The following IL21R variants were observed in gnomAD, a reference collection of about 807,000 sequenced individuals.
The protein encoded by IL21R is interleukin-21 receptor.
Under a neutral mutation model 41.3 loss-of-function variants are expected in IL21R, and 14 were observed. The observed-to-expected ratio is 0.34, with a 90% CI of 0.22 to 0.53. The LOEUF (loss-of-function observed/expected upper bound fraction) is 0.53. Ranked by LOEUF, IL21R falls within the 20% of genes least tolerant of loss-of-function variation. IL21R has a pLI of 0.94. For missense variants in IL21R, 588 were observed against 681.6 expected, an observed-to-expected ratio of 0.86 and a Z score of 1.53; for synonymous variants, 286 against 287.6, an observed-to-expected ratio of 0.99 and a Z score of 0.05.
In IL21R at chr16:27,437,065, C is replaced by T. The variant is rs3093340; in HGVS notation, c.153-423C>T. Among the ~76,000 whole-genome samples the T allele has an allele frequency of 5.5e-3, 839 of 152,186 alleles. 12 individuals are homozygous for T. The highest frequency in any genetic ancestry group is 0.019 in the African/African-American group (803 of 41,510). On this transcript the variant is annotated intron_variant, in intron 3 of 8. Coordinates refer to ENST00000337929, the MANE Select transcript of IL21R (RefSeq NM_181078.3). ...ACTCCAGCCTGGGGCCAGAGTGAGA[C>T]CCTGTCTCAAAAAAATGGATGTTGG... is the stretch of plus-strand genomic sequence containing the variant.
chr16:27,403,329 G>A, intron 1 of IL21R: 3 of 1,103,036 alleles, frequency 2.7e-6, no homozygotes, highest in Non-Finnish European at 3.6e-6. Flanking sequence ...TGGTGGAGGA[G>A]CCCTGGGGAG....
At chr16:27,430,538 C>T (rs3093305) in intron 2 of IL21R, among the ~76,000 whole-genome samples, 3,886 of 152,204 alleles carry the variant, frequency 0.026, 70 homozygotes, top group Non-Finnish European at 0.039. Flanking sequence ...ATTGCTGCAC[C>T]GGGTGCGGTG....
intron 2 of IL21R, among the ~76,000 whole-genome samples, chr16:27,433,171 A>G (rs3093319): frequency 0.36 from 54,621 of 152,038 alleles, 11,074 homozygotes; most frequent in East Asian, 0.46. Flanking sequence ...GAACCTACTT[A>G]AAAAGGGGAA....
chr16:27,430,202 C>A, intron 2 of IL21R, 82 bp downstream of exon 2: 2 of 1,207,562 alleles, frequency 1.7e-6, no homozygotes, highest in South Asian at 1.3e-5. Flanking sequence ...TTTCTGGGCT[C>A]AAAAACACGG....
At position 27,403,070 on chromosome 16, in the gene IL21R, C is replaced by T. The variant is rs116427824; in HGVS notation, c.-17+452C>T. ...CATTCAAAACAATGGCTGGTGTGCCCATTTCGCAGATGAGGCAATGAGGCT... is the reference window on the plus strand; with the variant it reads ...CATTCAAAACAATGGCTGGTGTGCCTATTTCGCAGATGAGGCAATGAGGCT... On this transcript the variant is annotated intron_variant, in intron 1 of 8. Coordinates refer to ENST00000337929, the MANE Select transcript of IL21R (RefSeq NM_181078.3). 1,115 of 506,528 alleles carry T rather than the reference C, an allele frequency of 2.2e-3. 16 individuals are homozygous for T. Among genetic ancestry groups the T allele is most frequent in the African/African-American group, 0.018 (951 of 52,448 alleles). 31.4% of individuals were successfully genotyped at this position (506,528 alleles called of 1,614,324 possible). A position where few individuals can be genotyped will look rare whatever the true frequency, so the allele number is the denominator to read the frequency against.
intron 1 of IL21R, chr16:27,427,477 C>A: frequency 4.1e-6 from 1 of 243,666 alleles, no homozygotes. Flanking sequence ...CTCACTGCAG[C>A]CTGGACCTCC....
At chr16:27,438,606 G>A (rs919322742) in intron 4 of IL21R, among the ~76,000 whole-genome samples, 24 of 152,164 alleles carry the variant, frequency 1.6e-4, no homozygotes, top group African/African-American at 5.3e-4. Context: ...TGTGGCTCAC[G>A]CCTCTAATCC....
At chr16:27,406,025 T>C (rs2086738892) in intron 1 of IL21R, among the ~76,000 whole-genome samples, 1 of 152,258 alleles carries the variant, frequency 6.6e-6, no homozygotes, top group Non-Finnish European at 1.5e-5. Flanking sequence ...CCCCACTGTG[T>C]GAACAGGACA....
intron 1 of IL21R, among the ~76,000 whole-genome samples, chr16:27,420,004 C>T (rs999879954): frequency 1.3e-5 from 2 of 151,582 alleles, no homozygotes; most frequent in African/African-American, 4.9e-5. Context: ...TCTCCTGCCT[C>T]GGCCTCCTGA....
chr16:27,448,338 C>G (rs954759168), intron 8 of IL21R, 196 bp from the exon 9 acceptor site: 51 of 585,800 alleles, frequency 8.7e-5, no homozygotes, highest in Non-Finnish European at 1.4e-4. Context: ...GCCTGTAGTC[C>G]CAGCTACTTG....
chr16:27,441,765 T>C (rs2087391872), intron 4 of IL21R, among the ~76,000 whole-genome samples: 2 of 152,192 alleles, frequency 1.3e-5, no homozygotes, highest in South Asian at 4.1e-4. Flanking sequence ...TCCCAGGATT[T>C]TGGGAGGCTG....
chr16:27,426,934 T>C (rs2087087152), intron 1 of IL21R, among the ~76,000 whole-genome samples: 1 of 152,092 alleles, frequency 6.6e-6, no homozygotes, highest in Non-Finnish European at 1.5e-5. Flanking sequence ...AGGGTGGACA[T>C]CAGATATGGC....
intron 1 of IL21R, among the ~76,000 whole-genome samples, chr16:27,417,187 G>T (rs2086904022): frequency 7.3e-6 from 1 of 137,604 alleles, no homozygotes. Flanking sequence ...TTTGAGACAG[G>T]GTCACACTCT....
chr16:27,441,892 T>G (rs1198789158), intron 4 of IL21R, among the ~76,000 whole-genome samples: 1 of 152,126 alleles, frequency 6.6e-6, no homozygotes, highest in Non-Finnish European at 1.5e-5. Context: ...CCACCTGTAG[T>G]CTCAGCTACT....
chr16:27,418,187 A>C (rs1381702597), intron 1 of IL21R, among the ~76,000 whole-genome samples: 2 of 151,024 alleles, frequency 1.3e-5, no homozygotes, highest in Admixed American at 1.3e-4. Flanking sequence ...CTCCTGCCTC[A>C]GCCTCCCAAG....
chr16:27,423,007 CT>C (rs201022182), intron 1 of IL21R, among the ~76,000 whole-genome samples: 1 of 151,898 alleles, frequency 6.6e-6, no homozygotes, highest in Non-Finnish European at 1.5e-5. Context: ...CAGGGCCCAT[CT>C]TTTTTTTGCC....
Position 27,429,420 on chromosome 16 carries a change from C to G in IL21R, c.-16-636C>G, listed in dbSNP as rs118064471. On this transcript the variant is annotated intron_variant, in intron 1 of 8. Coordinates refer to ENST00000337929, the MANE Select transcript of IL21R (RefSeq NM_181078.3). The stretch of plus-strand genomic sequence containing the variant: ...AAATACACAAGTTTAATTTCACACA[C>G]AATGCTACATCAATAGGCTCAGCAA... 2.8e-3 allele frequency among the ~76,000 whole-genome samples: 432 copies of G among 152,220 alleles called. 2 individuals are homozygous for G. Among genetic ancestry groups the G allele is most frequent in the Non-Finnish European group, 3.3e-3 (227 of 68,032 alleles).
rs2087572973 is a variant in IL21R at position 27,450,437 on chromosome 16, T to A, written c.*1154T>A. The stretch of plus-strand genomic sequence containing the variant: ...GCTGGGCCCCCTACCCTGCCCCAAT[T>A]CAATCCTGCCAATAAATCCTGTCTT... On this transcript the variant is annotated 3_prime_UTR_variant, in exon 9 of 9. Transcript: ENST00000337929. 1 of 231,558 alleles carries A rather than the reference T, an allele frequency of 4.3e-6. No individual in the cohort carries two copies. The highest frequency in any genetic ancestry group is 2.2e-5 in the African/African-American group (1 of 45,336). 14.3% of individuals were successfully genotyped at this position (231,558 alleles called of 1,614,324 possible).
At chr16:27,411,502 G>T (rs2086821968) in intron 1 of IL21R, among the ~76,000 whole-genome samples, 1 of 107,410 alleles carries the variant, frequency 9.3e-6, no homozygotes. Flanking sequence ...TTGCTCTGTT[G>T]CCCAGGCTGG....
Sources: allele counts gnomAD v4.1 joint callset (sites outside exome capture counted in the v4.1 genomes callset), GRCh38; gene constraint gnomAD v4.1.1; transcripts MANE v1.5; gene names NCBI Gene and HGNC (gene_info 2026-07-23, HGNC 2026-07-21).